The following EIF3H variants were observed in gnomAD, a reference collection of about 807,000 sequenced individuals.
The protein encoded by EIF3H is eIF-3-gamma.
A neutral mutation model predicts 44.2 loss-of-function variants in EIF3H; 26 were observed. The ratio of observed to expected loss-of-function variants is 0.59; its 90% CI spans 0.43 to 0.82. The LOEUF (loss-of-function observed/expected upper bound fraction) is 0.82. EIF3H is among the 40% of genes least tolerant of loss of function. The pLI, the probability that EIF3H is intolerant of heterozygous loss-of-function variation, is 0.00. For synonymous variants in EIF3H, 166 were observed against 151.9 expected, an observed-to-expected ratio of 1.09 and a Z score of -0.68; for missense variants, 359 against 432.8, an observed-to-expected ratio of 0.83 and a Z score of 1.51.
chr8:116,728,894 C>G (rs1238282728), intron 1 of EIF3H, among the ~76,000 whole-genome samples: 1 of 152,150 alleles, frequency 6.6e-6, no homozygotes, highest in Non-Finnish European at 1.5e-5. Context: ...GTATAGAGTT[C>G]TCTGCACAGA....
chr8:116,649,292 A>G (rs1333022811), intron 5 of EIF3H, among the ~76,000 whole-genome samples: 3 of 152,206 alleles, frequency 2.0e-5, no homozygotes, highest in Admixed American at 6.5e-5. Context: ...AATGCATTCC[A>G]TAACATTTTT....
chr8:116,661,973 G>A (rs953981947), intron 2 of EIF3H, among the ~76,000 whole-genome samples: 6 of 152,184 alleles, frequency 3.9e-5, no homozygotes, highest in Non-Finnish European at 8.8e-5. Flanking sequence ...TTTATTAGGG[G>A]AAATGAGGGG....
chr8:116,720,724 G>GAT (rs1814729355), intron 2 of EIF3H, among the ~76,000 whole-genome samples: 1 of 152,104 alleles, frequency 6.6e-6, no homozygotes, highest in Non-Finnish European at 1.5e-5. Flanking sequence ...TCCAGGCTGA[G>GAT]GTGATCTCAG....
chr8:116,756,071 C>A, upstream of EIF3H: 1 of 1,389,756 alleles, frequency 7.2e-7, no homozygotes, highest in Non-Finnish European at 9.9e-7. Context: ...ACTAGGCAAA[C>A]CGTCATAATA....
intron 1 of EIF3H, among the ~76,000 whole-genome samples, chr8:116,763,427 T>A (rs1012395843): frequency 6.6e-6 from 1 of 152,250 alleles, no homozygotes; most frequent in Non-Finnish European, 1.5e-5. Context: ...AGGCATATGT[T>A]ATTTTTGTAA....
intron 2 of EIF3H, among the ~76,000 whole-genome samples, chr8:116,681,267 G>A (rs537592865): frequency 5.9e-5 from 9 of 152,128 alleles, no homozygotes; most frequent in Non-Finnish European, 1.0e-4. Flanking sequence ...GGAGGCTGAG[G>A]CACGAGAATC....
Position 116,642,579 on chromosome 8 carries a change from T to C in EIF3H, c.*2427A>G, listed in dbSNP as rs780434828. On this transcript the variant is annotated 3_prime_UTR_variant, in exon 8 of 8. Coordinates refer to ENST00000521861, the MANE Select transcript of EIF3H (RefSeq NM_003756.3). ...TTCTACTTTCTTGGTTTTTTAACAT[T>C]CGATTTTTTCATTAGATTAACATGC... 6.6e-6 allele frequency: 1 copy of C among 152,248 alleles called. No homozygotes were observed. Among genetic ancestry groups the C allele is most frequent in the Non-Finnish European group, 1.5e-5 (1 of 68,044 alleles). The allele number at this position is 152,248 out of a possible 1,614,324, so 9.4% of individuals were successfully genotyped here. A position where few individuals can be genotyped will look rare whatever the true frequency, so the allele number is the denominator to read the frequency against.
At chr8:116,755,829 TGA>T (rs779288507), upstream of EIF3H, 39 of 1,609,270 alleles carry the variant, frequency 2.4e-5, no homozygotes, top group South Asian at 1.4e-4. Flanking sequence ...AAGAGAAACG[TGA>T]GTTACCGGAA....
intron 2 of EIF3H, among the ~76,000 whole-genome samples, chr8:116,674,794 G>A (rs900646397): frequency 1.3e-5 from 2 of 152,196 alleles, no homozygotes; most frequent in Admixed American, 6.5e-5. Context: ...AGACTCTACT[G>A]AGTAGAAGAG....
intron 1 of EIF3H, among the ~76,000 whole-genome samples, chr8:116,729,237 A>G (rs1375981798): frequency 1.3e-5 from 2 of 152,226 alleles, no homozygotes; most frequent in Admixed American, 6.5e-5. Flanking sequence ...AGTGATTCCT[A>G]AACAGCTGAT....
intron 2 of EIF3H, among the ~76,000 whole-genome samples, chr8:116,674,306 G>GC (rs887561881): frequency 2.1e-5 from 3 of 145,936 alleles, no homozygotes; most frequent in Non-Finnish European, 4.5e-5. Context: ...AAAAAAAGAG[G>GC]CCTGGGGGTG....
At chr8:116,747,308 C>T (rs182497562) in intron 1 of EIF3H, among the ~76,000 whole-genome samples, 6 of 152,288 alleles carry the variant, frequency 3.9e-5, no homozygotes, top group East Asian at 3.9e-4. Flanking sequence ...TCAGGTGATC[C>T]GCCCACCTCA....
Position 116,648,794 on chromosome 8 carries a change from C to T in EIF3H, c.828+12G>A. The stretch of plus-strand genomic sequence containing the variant: ...GAAATAGCTGTTTGTTGAATTTTTC[C>T]ACAATACCAACCTGATGTTTCTGCT... On this transcript the variant is annotated intron_variant, in intron 6 of 7. Coordinates refer to ENST00000521861, the MANE Select transcript of EIF3H (RefSeq NM_003756.3). 2 of 1,555,578 alleles carry T rather than the reference C, an allele frequency of 1.3e-6. No individual in the cohort carries two copies. Among genetic ancestry groups the T allele is most frequent in the African/African-American group, 1.4e-5 (1 of 72,702 alleles).
chr8:116,753,383 T>G (rs1425153520), intron 1 of EIF3H, among the ~76,000 whole-genome samples: 5 of 152,140 alleles, frequency 3.3e-5, no homozygotes, highest in Non-Finnish European at 7.3e-5. Flanking sequence ...GATTTTGGAG[T>G]CACTGGTAAG....
At chr8:116,664,776 AAAC>A (rs10601578) in intron 2 of EIF3H, among the ~76,000 whole-genome samples, 82,846 of 151,800 alleles carry the variant, frequency 0.55, 24,504 homozygotes, top group Non-Finnish European at 0.67. Flanking sequence ...TAAAAATTAA[AAAC>A]AATTTAAGAA....
chr8:116,683,567 T>C (rs1204171943), intron 2 of EIF3H, among the ~76,000 whole-genome samples: 4 of 152,220 alleles, frequency 2.6e-5, no homozygotes, highest in Non-Finnish European at 5.9e-5. Flanking sequence ...ATGTTAGACA[T>C]TCAGCCCTTA....
At chr8:116,741,350 G>T (rs1815129281) in intron 1 of EIF3H, among the ~76,000 whole-genome samples, 1 of 151,958 alleles carries the variant, frequency 6.6e-6, no homozygotes, top group Admixed American at 6.5e-5. Context: ...CAATCAGCTG[G>T]ACATACTATC....
intron 6 of EIF3H, among the ~76,000 whole-genome samples, chr8:116,647,914 C>T (rs1335358512): frequency 6.6e-6 from 1 of 151,874 alleles, no homozygotes; most frequent in Non-Finnish European, 1.5e-5. Context: ...TAACCACTCC[C>T]ATCTTTTTAG....
intron 2 of EIF3H, among the ~76,000 whole-genome samples, chr8:116,670,163 A>AG (rs1449460558): frequency 1.3e-5 from 2 of 152,232 alleles, no homozygotes; most frequent in Non-Finnish European, 2.9e-5. Flanking sequence ...CTATGGAGAT[A>AG]GTCCAAAGCT....
Sources: gnomAD v4.1 joint callset for allele counts (sites outside exome capture counted in the v4.1 genomes callset) on GRCh38, gnomAD v4.1.1 for gene constraint, MANE v1.5 for transcripts, NCBI Gene and HGNC (gene_info 2026-07-23, HGNC 2026-07-21) for gene names.